CNOT9: variants seen among roughly 807,000 people sequenced by gnomAD.
CNOT9 encodes the protein RCD1 required for cell differentiation1 homolog.
Under a neutral mutation model 37.4 loss-of-function variants are expected in CNOT9, and 8 were observed. The observed-to-expected ratio is 0.21, with a 90% CI of 0.13 to 0.39. The LOEUF (loss-of-function observed/expected upper bound fraction) is 0.39. Ranked by LOEUF, CNOT9 falls within the 10% of genes least tolerant of loss-of-function variation. CNOT9 has a pLI of 1.00. For missense variants in CNOT9, 154 were observed against 365.3 expected, an observed-to-expected ratio of 0.42 and a Z score of 4.71; for synonymous variants, 120 against 137.6, an observed-to-expected ratio of 0.87 and a Z score of 0.90.
intron 1 of CNOT9, among the ~76,000 whole-genome samples, chr2:218,570,758 C>T (rs1693961630): frequency 6.6e-6 from 1 of 152,184 alleles, no homozygotes; most frequent in South Asian, 2.1e-4. Context: ...TTTTCAATTG[C>T]TCCCTAATGC....
intron 1 of CNOT9, among the ~76,000 whole-genome samples, chr2:218,576,190 A>C (rs1694162860): frequency 1.3e-5 from 2 of 152,230 alleles, no homozygotes; most frequent in Non-Finnish European, 2.9e-5. Flanking sequence ...ATGGGCCTAA[A>C]TAACTCTTGG....
In CNOT9 at chr2:218,592,205, C is replaced by T. The variant is rs1694803115; in HGVS notation, c.541-99C>T. ...TAATATACAAGGATCCCTGCTTGCT[C>T]AATTTTCTGACTGATAGTCATGCCT... On this transcript the variant is annotated intron_variant, in intron 5 of 7. Coordinates refer to ENST00000273064, the MANE Select transcript of CNOT9 (RefSeq NM_005444.3). This position sits in a 1 kb window ranked among gnomAD's most constrained non-coding sequence, Gnocchi z 4.1. The T allele has an allele frequency of 3.6e-6, 3 of 828,522 alleles. No homozygotes were observed. Among genetic ancestry groups the T allele is most frequent in the Admixed American group, 2.0e-5 (1 of 49,274 alleles). 51.3% of individuals were successfully genotyped at this position (828,522 alleles called of 1,614,324 possible).
rs1415373469 is a variant in CNOT9, at chr2:218,592,269, A to G, written c.541-35A>G. 6.8e-7 allele frequency: 1 copy of G among 1,480,250 alleles called. No homozygotes were observed. The allele number at this position is 1,480,250 out of a possible 1,614,324, so 91.7% of individuals were successfully genotyped here. ...GAAAATGAGAAGATTAAATCTGAGC[A>G]ACTTTATAAACTCTTCGATTTTGTT... On this transcript the variant is annotated intron_variant, in intron 5 of 7. Transcript: ENST00000273064. The surrounding 1 kb of genome is among the most constrained non-coding windows in gnomAD (Gnocchi z 4.1).
At chr2:218,571,964 T>C (rs1694012223) in intron 1 of CNOT9, among the ~76,000 whole-genome samples, 2 of 152,104 alleles carry the variant, frequency 1.3e-5, no homozygotes, top group Non-Finnish European at 1.5e-5. Context: ...AATTTCTTTT[T>C]TCTCTCCTCT....
In CNOT9 at chr2:218,592,537, C is replaced by G; in HGVS notation, c.640-79C>G. ...GAACCTTTTATGATTCTTGGACTATCTGATCTCTGATGTCAATTAGAATTT... is the reference window on the plus strand; with the variant it reads ...GAACCTTTTATGATTCTTGGACTATGTGATCTCTGATGTCAATTAGAATTT... On this transcript the variant is annotated intron_variant, in intron 6 of 7. Coordinates refer to ENST00000273064, the MANE Select transcript of CNOT9 (RefSeq NM_005444.3). This position sits in a 1 kb window ranked among gnomAD's most constrained non-coding sequence, Gnocchi z 4.1. The G allele has an allele frequency of 6.6e-7, 1 of 1,515,714 alleles. No homozygotes were observed. Among genetic ancestry groups the G allele is most frequent in the Non-Finnish European group, 9.2e-7 (1 of 1,090,350 alleles). The allele number at this position is 1,515,714 out of a possible 1,614,324, so 93.9% of individuals were successfully genotyped here.
intron 1 of CNOT9, among the ~76,000 whole-genome samples, chr2:218,574,606 T>G (rs1420165353): frequency 1.3e-5 from 2 of 152,250 alleles, no homozygotes; most frequent in Non-Finnish European, 2.9e-5. Context: ...ACTGGCTGTG[T>G]GACCTTGAGC....
At chr2:218,571,524 C>G (rs932270444) in intron 1 of CNOT9, among the ~76,000 whole-genome samples, 1 of 150,996 alleles carries the variant, frequency 6.6e-6, no homozygotes, top group Non-Finnish European at 1.5e-5. Context: ...AATTTTGACT[C>G]TTGAGTAGTC....
chr2:218,577,213 T>C (rs553791619), intron 1 of CNOT9, among the ~76,000 whole-genome samples: 3 of 152,318 alleles, frequency 2.0e-5, no homozygotes, highest in African/African-American at 7.2e-5. Context: ...TGTTTTAAGC[T>C]CTCATTTTTA....
At chr2:218,572,295 T>C (rs113151164) in intron 1 of CNOT9, among the ~76,000 whole-genome samples, 6,949 of 152,162 alleles carry the variant, frequency 0.046, 442 homozygotes, top group African/African-American at 0.15. Context: ...CACTTCAGCC[T>C]GGGAGACAAG....
chr2:218,569,885 T>G (rs1164732903), intron 1 of CNOT9, among the ~76,000 whole-genome samples: 1 of 152,248 alleles, frequency 6.6e-6, no homozygotes, highest in Non-Finnish European at 1.5e-5. Context: ...GGTCTCTGCC[T>G]AAATCGGTCT....
At position 218,596,847 on chromosome 2, in the gene CNOT9, C is replaced by T. The variant is rs1559253932; in HGVS notation, c.*2571C>T. On this transcript the variant is annotated 3_prime_UTR_variant, in exon 8 of 8. Coordinates refer to ENST00000273064, the MANE Select transcript of CNOT9 (RefSeq NM_005444.3). Reference sequence around the variant, plus strand: ...TTGGAGCACATCTCCAGGATTGTTTCCATGCCTGGCTGTCAGTGGGACACA... The same window carrying T: ...TTGGAGCACATCTCCAGGATTGTTTTCATGCCTGGCTGTCAGTGGGACACA... 1 of 152,200 alleles carries T rather than the reference C, an allele frequency of 6.6e-6. No homozygotes were observed. Among genetic ancestry groups the T allele is most frequent in the African/African-American group, 2.4e-5 (1 of 41,446 alleles). 9.4% of individuals were successfully genotyped at this position (152,200 alleles called of 1,614,324 possible). A position where few individuals can be genotyped will look rare whatever the true frequency, so the allele number is the denominator to read the frequency against.
Position 218,568,842 on chromosome 2 carries a change from CCGGAGT to C in CNOT9, c.-108_-103del. On this transcript the variant is annotated 5_prime_UTR_variant, in exon 1 of 8. In the 5' UTR this introduces an upstream ATG that the reference lacks. Transcript: ENST00000273064. Reference sequence around the variant, plus strand: ...AGGGCCGCGAAGTGGGCGGAGCGAGCCGGAGTCGGATGGCGGCTACGGCGGCTCATT... The same window carrying C: ...AGGGCCGCGAAGTGGGCGGAGCGAGCCGGATGGCGGCTACGGCGGCTCATT... 7.9e-7 allele frequency: 1 copy of C among 1,265,520 alleles called. No individual in the cohort carries two copies. Among genetic ancestry groups the C allele is most frequent in the South Asian group, 1.3e-5 (1 of 74,542 alleles). The allele number at this position is 1,265,520 out of a possible 1,614,324, so 78.4% of individuals were successfully genotyped here.
At chr2:218,578,455 T>A (rs1040252506) in intron 1 of CNOT9, among the ~76,000 whole-genome samples, 8 of 152,238 alleles carry the variant, frequency 5.3e-5, no homozygotes, top group Admixed American at 5.2e-4. Flanking sequence ...GTTCTTTGTC[T>A]TTACATCTGT....
Position 218,594,378 on chromosome 2 carries a change from C to G in CNOT9, c.*102C>G. On this transcript the variant is annotated 3_prime_UTR_variant, in exon 8 of 8. Coordinates refer to ENST00000273064, the MANE Select transcript of CNOT9 (RefSeq NM_005444.3). Reference sequence around the variant, plus strand: ...TTATCACCGACTGGGAATAGACAACCTCAATGCTGAACCGCACTGGAGAAA... The same window carrying G: ...TTATCACCGACTGGGAATAGACAACGTCAATGCTGAACCGCACTGGAGAAA... 1.5e-6 allele frequency: 2 copies of G among 1,306,690 alleles called. No individual in the cohort carries two copies. The highest frequency in any genetic ancestry group is 2.1e-6 in the Non-Finnish European group (2 of 948,322). 80.9% of individuals were successfully genotyped at this position (1,306,690 alleles called of 1,614,324 possible).
intron 1 of CNOT9, among the ~76,000 whole-genome samples, chr2:218,578,391 T>C (rs1276495829): frequency 6.6e-6 from 1 of 152,204 alleles, no homozygotes; most frequent in African/African-American, 2.4e-5. Context: ...TAAATTTGAA[T>C]CCACTTCAAA....
chr2:218,587,510 G>A, intron 4 of CNOT9, 76 bp from the exon 5 acceptor site: 2 of 1,419,994 alleles, frequency 1.4e-6, no homozygotes, highest in South Asian at 1.7e-5. Flanking sequence ...ACAACTCACT[G>A]GATAAACAGT....
At chr2:218,573,225 G>A (rs926550792) in intron 1 of CNOT9, among the ~76,000 whole-genome samples, 1 of 151,632 alleles carries the variant, frequency 6.6e-6, no homozygotes, top group Non-Finnish European at 1.5e-5. Flanking sequence ...GGCTGAGGCA[G>A]GACAATCGCT....
intron 1 of CNOT9, among the ~76,000 whole-genome samples, chr2:218,575,895 G>A (rs1018338675): frequency 6.6e-6 from 1 of 152,136 alleles, no homozygotes; most frequent in East Asian, 1.9e-4. Flanking sequence ...CCTTAGAAAT[G>A]TATTAGTAAA....
At chr2:218,587,421 C>G in intron 4 of CNOT9, 165 bp from the exon 5 acceptor site, 1 of 1,272,350 alleles carries the variant, frequency 7.9e-7, no homozygotes, top group Non-Finnish European at 1.0e-6. Context: ...CTGCGCCGCC[C>G]TCTTCCTTTT....
Sources: allele counts gnomAD v4.1 joint callset (sites outside exome capture counted in the v4.1 genomes callset), GRCh38; gene constraint gnomAD v4.1.1; non-coding constraint Gnocchi (gnomAD v3.1); transcripts MANE v1.5; gene names NCBI Gene and HGNC (gene_info 2026-07-23, HGNC 2026-07-21).